CAPN13: variants seen among roughly 807,000 people sequenced by gnomAD.
CAPN13 encodes calpain 13.
In CAPN13, 90 loss-of-function variants were observed where a neutral mutation model predicts 98.4. The observed-to-expected ratio is 0.92, with a 90% CI of 0.77 to 1.09. CAPN13 has a LOEUF of 1.09. Ranked by LOEUF, CAPN13 falls within the 50% of genes least tolerant of loss-of-function variation. The pLI is 0.00. For synonymous variants in CAPN13, 330 were observed against 305.5 expected (o/e 1.08, Z -0.84); for missense variants, 887 against 841.3 (o/e 1.05, Z -0.67).
At chr2:30,730,101 C>T (rs923901992) in intron 22 of CAPN13, among the ~76,000 whole-genome samples, 2 of 152,166 alleles carry the variant, frequency 1.3e-5, no homozygotes, top group Admixed American at 1.3e-4. Context: ...ACAATGGGAA[C>T]CACAACATCT....
chr2:30,777,549 A>G lies in CAPN13; in HGVS notation c.271+18T>C. 1 of 1,562,416 alleles carries G rather than the reference A, an allele frequency of 6.4e-7. No homozygotes were observed. The highest frequency in any genetic ancestry group is 1.4e-5 in the African/African-American group (1 of 73,938). ...CACTTCCTATCCAGGGCACGGAGGGAAGATGTTGCACTCTTACCTGCGCCT... is the reference window on the plus strand; with the variant it reads ...CACTTCCTATCCAGGGCACGGAGGGGAGATGTTGCACTCTTACCTGCGCCT... On this transcript the variant is annotated intron_variant, in intron 3 of 22. Coordinates refer to ENST00000295055, the MANE Select transcript of CAPN13 (RefSeq NM_144575.3).
At chr2:30,785,595 C>T (rs1456699574) in intron 2 of CAPN13, among the ~76,000 whole-genome samples, 5 of 152,210 alleles carry the variant, frequency 3.3e-5, no homozygotes, top group South Asian at 2.1e-4. Context: ...CTTCTGTTGG[C>T]CTCAGTTTCT....
At chr2:30,748,902 GA>G (rs971509583) in intron 11 of CAPN13, among the ~76,000 whole-genome samples, 3 of 152,176 alleles carry the variant, frequency 2.0e-5, no homozygotes, top group African/African-American at 7.2e-5. Flanking sequence ...AGCAGAACAC[GA>G]AAGCTCTCCT....
chr2:30,739,282 G>A (rs975551593), intron 15 of CAPN13, among the ~76,000 whole-genome samples: 2 of 152,146 alleles, frequency 1.3e-5, no homozygotes, highest in Non-Finnish European at 2.9e-5. Flanking sequence ...ATGGGGAGCT[G>A]GCGCTGGAAA....
chr2:30,791,115 C>T (rs1013241730), intron 1 of CAPN13, among the ~76,000 whole-genome samples: 4 of 152,226 alleles, frequency 2.6e-5, no homozygotes, highest in Non-Finnish European at 5.9e-5. Context: ...GCCCTGGCTG[C>T]ATACTGCAGG....
chr2:30,732,614 G>T (rs751255617), intron 19 of CAPN13, 48 bp from the exon 20 acceptor site: 1 of 1,573,844 alleles, frequency 6.4e-7, no homozygotes, highest in Non-Finnish European at 8.6e-7. Flanking sequence ...AGGGCTCGGG[G>T]GTTCCTCTGC....
intron 7 of CAPN13, among the ~76,000 whole-genome samples, chr2:30,759,387 AC>A (rs1484820562): frequency 5.9e-5 from 9 of 152,154 alleles, no homozygotes; most frequent in African/African-American, 2.2e-4. Context: ...ACAGCAGCCA[AC>A]CCTTGAATCT....
rs13416208 is a variant in CAPN13 at position 30,739,694 on chromosome 2, G to A, written c.1537-1237C>T. 5.7e-3 allele frequency among the ~76,000 whole-genome samples: 867 copies of A among 152,270 alleles called. 7 individuals carry two copies. Among genetic ancestry groups the A allele is most frequent in the African/African-American group, 0.02 (810 of 41,532 alleles). On this transcript the variant is annotated intron_variant, in intron 15 of 22. Transcript: ENST00000295055. ...GAATCGTCCACTATAAAGCAGCTTTGGGGCATGGACCGTGTCTTTTTCCTC... is the reference window on the plus strand; with the variant it reads ...GAATCGTCCACTATAAAGCAGCTTTAGGGCATGGACCGTGTCTTTTTCCTC...
chr2:30,736,384 G>C, intron 18 of CAPN13, 119 bp downstream of exon 18: 1 of 958,016 alleles, frequency 1.0e-6, no homozygotes, highest in Non-Finnish European at 1.6e-6. Context: ...CTCCTTGAGG[G>C]CAGGGGTGAG....
intron 2 of CAPN13, among the ~76,000 whole-genome samples, chr2:30,779,482 A>G (rs1179856358): frequency 6.6e-6 from 1 of 152,216 alleles, no homozygotes; most frequent in African/African-American, 2.4e-5. Context: ...TAGGCTCCCA[A>G]CAGCCTTGTA....
At chr2:30,742,495 C>T (rs373054438) in intron 13 of CAPN13, 136 bp from the exon 14 acceptor site, 24 of 905,362 alleles carry the variant, frequency 2.7e-5, no homozygotes, top group African/African-American at 1.3e-4. Flanking sequence ...CCGCAGGACA[C>T]GAAGTGAGCA....
chr2:30,789,973 T>C (rs1015207996), intron 1 of CAPN13, among the ~76,000 whole-genome samples: 1 of 152,064 alleles, frequency 6.6e-6, no homozygotes, highest in South Asian at 2.1e-4. Flanking sequence ...AAGGGAAGGC[T>C]TGGGGACAGG....
Position 30,758,126 on chromosome 2 carries a change from T to A in CAPN13, c.786A>T (p.Arg262=). 1 of 1,602,612 alleles carries A rather than the reference T, an allele frequency of 6.2e-7. No individual in the cohort carries two copies. The highest frequency in any genetic ancestry group is 1.1e-5 in the South Asian group (1 of 88,246). Reference sequence around the variant, plus strand: ...GGGAGATAATTTCTTCCCAGCCCCTTCGGTATTGAATCTGTAAAGAAAACA... The same window carrying A: ...GGGAGATAATTTCTTCCCAGCCCCTACGGTATTGAATCTGTAAAGAAAACA... ...TVTGAEQIQY[R]RGWEEIISLW... is the part of the protein sequence containing the mutation. The change falls in exon 8 of 23, where the codon CGA becomes CGT. Residue 262 remains arginine (R), a synonymous_variant. Transcript: ENST00000295055.
intron 7 of CAPN13, among the ~76,000 whole-genome samples, chr2:30,758,760 CTTTCCTTT>C (rs1341306789): frequency 1.7e-5 from 2 of 119,284 alleles, no homozygotes; most frequent in Non-Finnish European, 3.6e-5. Flanking sequence ...CCCTCCCTCT[CTTTCCTTT>C]CCTTCCTCCC....
chr2:30,769,579 T>C (rs1199422924), intron 5 of CAPN13, among the ~76,000 whole-genome samples: 1 of 152,212 alleles, frequency 6.6e-6, no homozygotes, highest in African/African-American at 2.4e-5. Context: ...TGAGAGCATC[T>C]GTCCCAGTGC....
chr2:30,807,174 ATATG>A (rs1238010919), intron 1 of CAPN13, 124 bp downstream of exon 1: 1 of 152,176 alleles, frequency 6.6e-6, no homozygotes, highest in Admixed American at 6.5e-5. Context: ...GAGCTACTGA[ATATG>A]TACCTTGGGA....
intron 2 of CAPN13, among the ~76,000 whole-genome samples, chr2:30,786,045 TC>T (rs1674260563): frequency 1.3e-5 from 2 of 152,030 alleles, no homozygotes; most frequent in East Asian, 3.9e-4. Context: ...GTGTGTCGCC[TC>T]CCAGAGCCTG....
intron 4 of CAPN13, among the ~76,000 whole-genome samples, chr2:30,772,026 C>T (rs940243666): frequency 2.6e-5 from 4 of 152,222 alleles, no homozygotes; most frequent in African/African-American, 9.6e-5. Context: ...GAATGAGCTT[C>T]TCTGGTTAGT....
At chr2:30,806,896 C>T (rs555104814) in intron 1 of CAPN13, among the ~76,000 whole-genome samples, 6 of 152,292 alleles carry the variant, frequency 3.9e-5, no homozygotes, top group African/African-American at 1.4e-4. Flanking sequence ...GTTTATTAAG[C>T]ACCTACTATC....
Sources: allele counts gnomAD v4.1 joint callset (sites outside exome capture counted in the v4.1 genomes callset), GRCh38; gene constraint gnomAD v4.1.1; transcripts MANE v1.5; gene names NCBI Gene and HGNC (gene_info 2026-07-23, HGNC 2026-07-21).